Variants in FRAS1 observed in about 807,000 individuals in gnomAD.
The protein encoded by FRAS1 is Fraser extracellular matrix complex subunit 1.
A neutral mutation model predicts 435.2 loss-of-function variants in FRAS1; 290 were observed. The observed-to-expected ratio is 0.67, with a 90% CI of 0.61 to 0.73. The LOEUF is 0.73. Ranked by LOEUF, FRAS1 falls within the 30% of genes least tolerant of loss-of-function variation. The probability of loss-of-function intolerance (pLI) is 0.00; values close to 1 mark genes in which losing one functional copy is unlikely to be tolerated. For synonymous variants in FRAS1, 1,800 were observed against 1,851.0 expected (o/e 0.97, Z 0.71); for missense variants, 4,860 against 5,001.5 (o/e 0.97, Z 0.85).
chr4:78,186,180 G>A (rs1251878565), intron 2 of FRAS1, among the ~76,000 whole-genome samples: 2 of 151,770 alleles, frequency 1.3e-5, no homozygotes, highest in African/African-American at 2.4e-5. Flanking sequence ...TTTGATGAAT[G>A]TCTGATTTTT....
At chr4:78,190,966 T>A (rs1224335213) in intron 2 of FRAS1, among the ~76,000 whole-genome samples, 1 of 152,110 alleles carries the variant, frequency 6.6e-6, no homozygotes, top group Non-Finnish European at 1.5e-5. Context: ...ATAGACTTAG[T>A]GTGATTATAA....
intron 32 of FRAS1, among the ~76,000 whole-genome samples, chr4:78,415,393 T>C: frequency 6.6e-6 from 1 of 152,192 alleles, no homozygotes; most frequent in South Asian, 2.1e-4. Context: ...AATTAAAAAT[T>C]AAAAAAATAA....
At chr4:78,157,909 C>G (rs1720963974) in intron 2 of FRAS1, among the ~76,000 whole-genome samples, 1 of 152,134 alleles carries the variant, frequency 6.6e-6, no homozygotes, top group Non-Finnish European at 1.5e-5. Context: ...GTTATCCCAG[C>G]ACCATTACTG....
At chr4:78,519,137 T>C (rs1578370727) in intron 66 of FRAS1, among the ~76,000 whole-genome samples, 194 bp from the exon 67 acceptor site, 1 of 152,210 alleles carries the variant, frequency 6.6e-6, no homozygotes, top group African/African-American at 2.4e-5. Flanking sequence ...GAAAGAAGCA[T>C]CCCGGCTGCT....
rs1390555489 is a variant in FRAS1 at position 78,379,946 on chromosome 4, A to C, written c.3513A>C (p.Lys1171Asn). ...ACAAGGCTGGCCGTTTTAGCTGGAA[A>C]GATGTGAACGAGAAGAAAGTGCGTT... Reference protein sequence around the residue: ...QLDKAGRFSWKDVNEKKVRFV... With the variant: ...QLDKAGRFSWNDVNEKKVRFV... Residue 1171 changes from lysine to asparagine, a missense_variant, in exon 27 of 74, where the codon AAA (lysine) becomes AAC (asparagine). Coordinates refer to ENST00000512123, the MANE Select transcript of FRAS1 (RefSeq NM_025074.7). 6.2e-7 allele frequency: 1 copy of C among 1,613,762 alleles called. No homozygotes were observed. Among genetic ancestry groups the C allele is most frequent in the African/African-American group, 1.3e-5 (1 of 74,926 alleles).
intron 2 of FRAS1, among the ~76,000 whole-genome samples, chr4:78,068,171 A>G (rs1740148859): frequency 1.3e-5 from 2 of 152,224 alleles, no homozygotes. Flanking sequence ...GCCTGCCTTC[A>G]TAGAGCTTGA....
intron 45 of FRAS1, among the ~76,000 whole-genome samples, chr4:78,451,119 G>A (rs1194461638): frequency 6.6e-6 from 1 of 152,116 alleles, no homozygotes; most frequent in Non-Finnish European, 1.5e-5. Flanking sequence ...TCATATGTCG[G>A]TGTCTACTTT....
At chr4:78,127,566 A>G (rs1253978776) in intron 2 of FRAS1, among the ~76,000 whole-genome samples, 1 of 152,044 alleles carries the variant, frequency 6.6e-6, no homozygotes, top group Non-Finnish European at 1.5e-5. Context: ...TTGGTAGATA[A>G]TTGAAGAGGA....
At chr4:78,231,904 T>A (rs1186234965) in intron 2 of FRAS1, among the ~76,000 whole-genome samples, 2 of 152,206 alleles carry the variant, frequency 1.3e-5, no homozygotes, top group African/African-American at 4.8e-5. Flanking sequence ...ATATTTTGAT[T>A]GCTTTTTAGG....
intron 9 of FRAS1, among the ~76,000 whole-genome samples, chr4:78,268,389 G>A (rs1317245460): frequency 1.3e-5 from 2 of 152,062 alleles, no homozygotes; most frequent in Non-Finnish European, 2.9e-5. Context: ...AGGTAAAGAG[G>A]GTCTTGCTTT....
At chr4:78,511,667 G>A (rs750913202) in intron 64 of FRAS1, 161 bp downstream of exon 64, 14 of 689,408 alleles carry the variant, frequency 2.0e-5, no homozygotes, top group South Asian at 7.7e-5. Context: ...CCTCAAGCTC[G>A]GGCCCCCTGC....
At chr4:78,253,080 A>G (rs1035882564) in intron 5 of FRAS1, among the ~76,000 whole-genome samples, 6 of 152,222 alleles carry the variant, frequency 3.9e-5, no homozygotes, top group Admixed American at 3.9e-4. Flanking sequence ...CACATAAGAC[A>G]GAACTCCCAG....
In FRAS1 at chr4:78,249,471, C is replaced by T. The variant is rs188082065; in HGVS notation, c.310-2921C>T. ...CCAAGTAGCTGGGACTACTGGCAAC[C>T]GCCACCACACCCAGCTAATTTTTGT... is the stretch of plus-strand genomic sequence containing the variant. On this transcript the variant is annotated intron_variant, in intron 4 of 73. Coordinates refer to ENST00000512123, the MANE Select transcript of FRAS1 (RefSeq NM_025074.7). 2.4e-3 allele frequency among the ~76,000 whole-genome samples: 358 copies of T among 151,652 alleles called. 2 individuals are homozygous for T. Among genetic ancestry groups the T allele is most frequent in the Admixed American group, 7.4e-3 (112 of 15,226 alleles).
At position 78,539,718 on chromosome 4, in the gene FRAS1, CT is replaced by C. The variant is rs1721991656; in HGVS notation, c.11445+282del. ...ATGACACTCCAGTTTTTCCTAAGTT[CT>C]TTTATATTGCATCCCTTTTTGGTTC... On this transcript the variant is annotated intron_variant, in intron 73 of 73. Coordinates refer to ENST00000512123, the MANE Select transcript of FRAS1 (RefSeq NM_025074.7). Among the ~76,000 whole-genome samples the C allele has an allele frequency of 2.0e-5, 3 of 152,124 alleles. No homozygotes were observed. In the South Asian group the frequency reaches 6.2e-4, roughly 32 times the overall value.
chr4:78,409,616 G>A (rs985907490), intron 31 of FRAS1, among the ~76,000 whole-genome samples: 13 of 152,168 alleles, frequency 8.5e-5, no homozygotes, highest in East Asian at 7.7e-4. Flanking sequence ...GACCTCTGGC[G>A]AGCATGATTT....
At chr4:78,326,980 G>T (rs1729743868) in intron 18 of FRAS1, among the ~76,000 whole-genome samples, 1 of 152,134 alleles carries the variant, frequency 6.6e-6, no homozygotes, top group Non-Finnish European at 1.5e-5. Flanking sequence ...AGATGAAAAA[G>T]ATGTGATTTT....
intron 2 of FRAS1, among the ~76,000 whole-genome samples, chr4:78,155,004 G>C (rs1720823031): frequency 6.6e-6 from 1 of 152,162 alleles, no homozygotes; most frequent in Admixed American, 6.6e-5. Context: ...CTCCTTTAAT[G>C]ATTGATATTA....
intron 2 of FRAS1, among the ~76,000 whole-genome samples, chr4:78,127,452 T>C (rs1420496531): frequency 6.6e-6 from 1 of 152,204 alleles, no homozygotes; most frequent in African/African-American, 2.4e-5. Flanking sequence ...GATAACAGAT[T>C]GGATGGGACA....
intron 38 of FRAS1, among the ~76,000 whole-genome samples, chr4:78,437,367 A>G (rs553009568): frequency 5.9e-5 from 9 of 152,366 alleles, no homozygotes; most frequent in Admixed American, 2.0e-4. Flanking sequence ...ATTAAGAAGC[A>G]GTCTTTTGGA....
Sources: gnomAD v4.1 joint callset for allele counts (sites outside exome capture counted in the v4.1 genomes callset) on GRCh38, gnomAD v4.1.1 for gene constraint, MANE v1.5 for transcripts, NCBI Gene and HGNC (gene_info 2026-07-23, HGNC 2026-07-21) for gene names.